The following KDM4C variants were observed in gnomAD, a reference collection of about 807,000 sequenced individuals.
KDM4C encodes lysine-specific demethylase 4C.
In KDM4C, 81 loss-of-function variants were observed where a neutral mutation model predicts 129.3. The ratio of observed to expected loss-of-function variants is 0.63; its 90% CI spans 0.52 to 0.75. The LOEUF (loss-of-function observed/expected upper bound fraction) is 0.75, where lower values mean the gene tolerates loss of function less well. Ranked by LOEUF, KDM4C falls within the 30% of genes least tolerant of loss-of-function variation. The pLI is 0.00. For synonymous variants in KDM4C, 573 were observed against 456.1 expected (o/e 1.26, Z -3.26); for missense variants, 1,457 against 1,304.0 (o/e 1.12, Z -1.81).
At chr9:6,967,383 C>A (rs1831175357) in intron 8 of KDM4C, among the ~76,000 whole-genome samples, 1 of 150,378 alleles carries the variant, frequency 6.6e-6, no homozygotes, top group Non-Finnish European at 1.5e-5. Flanking sequence ...AAGATTGTGC[C>A]GCTGCACTCC....
At chr9:7,032,538 A>G (rs183258626) in intron 15 of KDM4C, among the ~76,000 whole-genome samples, 19 of 152,352 alleles carry the variant, frequency 1.2e-4, no homozygotes, top group East Asian at 1.2e-3. Context: ...TAATATAACT[A>G]GCAGGGATAG....
chr9:7,087,730 T>C (rs1835300870), intron 17 of KDM4C, among the ~76,000 whole-genome samples: 1 of 152,224 alleles, frequency 6.6e-6, no homozygotes, highest in East Asian at 1.9e-4. Context: ...GCCTGTTCTT[T>C]TATTTGTTAA....
At chr9:7,118,357 T>A (rs1839146175) in intron 18 of KDM4C, among the ~76,000 whole-genome samples, 2 of 152,232 alleles carry the variant, frequency 1.3e-5, no homozygotes, top group Admixed American at 6.5e-5. Context: ...TAAGAACAAG[T>A]ATTTCTTCAT....
chr9:7,152,233 A>T (rs780870950), intron 19 of KDM4C, among the ~76,000 whole-genome samples: 9 of 152,240 alleles, frequency 5.9e-5, no homozygotes, highest in Non-Finnish European at 1.5e-5. Context: ...AAGATTTATG[A>T]TAACAAATAT....
At chr9:7,002,970 C>A (rs758861491) in intron 12 of KDM4C, among the ~76,000 whole-genome samples, 9 of 152,344 alleles carry the variant, frequency 5.9e-5, no homozygotes, top group Non-Finnish European at 1.2e-4. Context: ...AAGTGATTCT[C>A]CTGTCTCAGC....
intron 17 of KDM4C, among the ~76,000 whole-genome samples, chr9:7,058,615 C>G (rs1377228481): frequency 1.3e-5 from 2 of 152,092 alleles, no homozygotes; most frequent in African/African-American, 4.8e-5. Flanking sequence ...ATTGTATTCT[C>G]CAATGCCAGG....
chr9:6,994,824 G>A (rs1819400518), intron 12 of KDM4C, among the ~76,000 whole-genome samples: 1 of 152,142 alleles, frequency 6.6e-6, no homozygotes, highest in Admixed American at 6.5e-5. Context: ...TAATATGTCA[G>A]CTCTTTCAGT....
intron 1 of KDM4C, among the ~76,000 whole-genome samples, chr9:6,770,028 A>C (rs150240872): frequency 1.2e-4 from 18 of 152,220 alleles, no homozygotes; most frequent in African/African-American, 3.9e-4. Context: ...GTAATACAAA[A>C]ATTAGCCGGG....
intron 17 of KDM4C, among the ~76,000 whole-genome samples, chr9:7,085,295 A>T (rs892555457): frequency 6.6e-6 from 1 of 152,232 alleles, no homozygotes; most frequent in African/African-American, 2.4e-5. Flanking sequence ...CTTCATCTCT[A>T]AAACAAATGA....
chr9:6,964,829 C>T (rs896831920), intron 8 of KDM4C, among the ~76,000 whole-genome samples: 6 of 149,042 alleles, frequency 4.0e-5, no homozygotes, highest in Non-Finnish European at 7.4e-5. Flanking sequence ...TAGCACATGC[C>T]TGTAATCCCA....
At chr9:7,062,993 G>A (rs1467431780) in intron 17 of KDM4C, among the ~76,000 whole-genome samples, 1 of 152,054 alleles carries the variant, frequency 6.6e-6, no homozygotes, top group East Asian at 1.9e-4. Context: ...CAAACTTTAT[G>A]AAACTCTTAA....
intron 19 of KDM4C, among the ~76,000 whole-genome samples, chr9:7,161,531 A>G (rs1843793566): frequency 6.6e-6 from 1 of 152,216 alleles, no homozygotes; most frequent in Non-Finnish European, 1.5e-5. Context: ...TTATTTGTAA[A>G]TAAAATCAAA....
intron 17 of KDM4C, among the ~76,000 whole-genome samples, chr9:7,101,421 A>G (rs564811126): frequency 4.6e-5 from 7 of 152,334 alleles, no homozygotes; most frequent in African/African-American, 1.4e-4. Flanking sequence ...TGCATTCGCA[A>G]TGGCTCCCCT....
intron 8 of KDM4C, among the ~76,000 whole-genome samples, chr9:6,929,165 C>T (rs925873848): frequency 6.6e-6 from 1 of 152,168 alleles, no homozygotes; most frequent in Non-Finnish European, 1.5e-5. Flanking sequence ...TCTTAGTTAT[C>T]TTTACCTTAA....
At chr9:6,910,521 C>T (rs993340427) in intron 8 of KDM4C, among the ~76,000 whole-genome samples, 3 of 152,132 alleles carry the variant, frequency 2.0e-5, no homozygotes, top group Admixed American at 6.6e-5. Context: ...AACTACAAAA[C>T]GTAAATATAA....
intron 7 of KDM4C, 112 bp from the exon 8 acceptor site, chr9:6,892,983 T>A: frequency 1.3e-6 from 1 of 775,762 alleles, no homozygotes; most frequent in Non-Finnish European, 1.8e-6. Context: ...TTGGTAGTGC[T>A]CTGATATCAA....
At chr9:6,808,002 C>G (rs1830426290) in intron 3 of KDM4C, among the ~76,000 whole-genome samples, 1 of 123,630 alleles carries the variant, frequency 8.1e-6, no homozygotes, top group Non-Finnish European at 1.7e-5. Flanking sequence ...GGGGGGTCAG[C>G]CCCCCTGCCC....
At chr9:7,108,766 A>G (rs181961495) in intron 18 of KDM4C, among the ~76,000 whole-genome samples, 2 of 152,318 alleles carry the variant, frequency 1.3e-5, no homozygotes, top group Admixed American at 1.3e-4. Flanking sequence ...ACAGTGAAAC[A>G]TTCTAGGCCT....
chr9:6,833,866 G>A (rs962070700), intron 4 of KDM4C, among the ~76,000 whole-genome samples: 4 of 152,126 alleles, frequency 2.6e-5, no homozygotes, highest in Admixed American at 2.6e-4. Flanking sequence ...GCAGCCCAGT[G>A]ATTTATACTT....
Sources: gnomAD v4.1 joint callset for allele counts (sites outside exome capture counted in the v4.1 genomes callset) on GRCh38, gnomAD v4.1.1 for gene constraint, MANE v1.5 for transcripts, NCBI Gene and HGNC (gene_info 2026-07-23, HGNC 2026-07-21) for gene names.